TAOK3: variants seen among roughly 807,000 people sequenced by gnomAD.
TAOK3 encodes TAO kinase 3.
TAOK3 carries 40 observed loss-of-function variants against 120.4 expected under a neutral mutation model. The ratio of observed to expected loss-of-function variants is 0.33; its 90% confidence interval spans 0.26 to 0.43. The LOEUF (loss-of-function observed/expected upper bound fraction) is 0.43. Among genes scored for constraint, TAOK3 ranks in the 20% least tolerant of loss-of-function variants. The pLI is 1.00. For synonymous variants in TAOK3, 355 were observed against 387.5 expected (o/e 0.92, Z 0.99); for missense variants, 821 against 1,112.1 (o/e 0.74, Z 3.72).
At chr12:118,257,173 T>C (rs1344271633) in intron 2 of TAOK3, among the ~76,000 whole-genome samples, 1 of 152,162 alleles carries the variant, frequency 6.6e-6, no homozygotes, top group Non-Finnish European at 1.5e-5. Context: ...AAAACTCAGA[T>C]CTAACAGCAA....
intron 14 of TAOK3, 121 bp downstream of exon 14, chr12:118,189,686 A>C: frequency 8.1e-7 from 1 of 1,232,768 alleles, no homozygotes; most frequent in Non-Finnish European, 1.1e-6. Context: ...TAGGAGAGAG[A>C]AAACATTCTT....
At chr12:118,277,448 C>T (rs1001776044) in intron 1 of TAOK3, among the ~76,000 whole-genome samples, 2 of 151,992 alleles carry the variant, frequency 1.3e-5, no homozygotes, top group African/African-American at 4.8e-5. Context: ...TGTGGTCATC[C>T]AGATGATCCA....
At chr12:118,152,515 T>C in intron 19 of TAOK3, 106 bp from the exon 20 acceptor site, 3 of 1,213,242 alleles carry the variant, frequency 2.5e-6, no homozygotes, top group Non-Finnish European at 2.3e-6. Flanking sequence ...TGGATTGAAA[T>C]TGGTTGCCCC....
chr12:118,230,572 C>T (rs1325129389), intron 9 of TAOK3, among the ~76,000 whole-genome samples: 6 of 148,504 alleles, frequency 4.0e-5, no homozygotes, highest in East Asian at 4.1e-4. Context: ...AGGTTCACAC[C>T]GTTCTCCTGC....
At chr12:118,229,588 T>C (rs1380738101) in intron 9 of TAOK3, among the ~76,000 whole-genome samples, 1 of 152,128 alleles carries the variant, frequency 6.6e-6, no homozygotes, top group Non-Finnish European at 1.5e-5. Context: ...TTAAAAAACA[T>C]TGATTAGAAA....
At chr12:118,207,791 C>T (rs888479143) in intron 11 of TAOK3, among the ~76,000 whole-genome samples, 6 of 150,886 alleles carry the variant, frequency 4.0e-5, no homozygotes, top group Middle Eastern at 3.4e-3. Flanking sequence ...TCTCAGGAGG[C>T]GAAGGTTGCA....
At chr12:118,187,043 C>T (rs1342007824) in intron 14 of TAOK3, among the ~76,000 whole-genome samples, 2 of 152,148 alleles carry the variant, frequency 1.3e-5, no homozygotes, top group East Asian at 3.8e-4. Flanking sequence ...GGCTCATAAA[C>T]AAATTTTAGG....
chr12:118,192,206 G>A (rs2037468547), intron 13 of TAOK3, among the ~76,000 whole-genome samples: 1 of 152,124 alleles, frequency 6.6e-6, no homozygotes, highest in African/African-American at 2.4e-5. Flanking sequence ...TACTAAACTT[G>A]AGGAAGTTGA....
chr12:118,311,631 TA>T (rs549735414), intron 1 of TAOK3, among the ~76,000 whole-genome samples: 14,458 of 125,542 alleles, frequency 0.12, 848 homozygotes, highest in Middle Eastern at 0.16. Context: ...TTTTTTTTTT[TA>T]AAAACAGCAT....
chr12:118,271,338 G>A (rs528148198), intron 1 of TAOK3, among the ~76,000 whole-genome samples: 61 of 151,682 alleles, frequency 4.0e-4, no homozygotes, highest in Non-Finnish European at 2.5e-4. Context: ...CCCCAGCCTC[G>A]CCCCACCCCA....
intron 19 of TAOK3, among the ~76,000 whole-genome samples, chr12:118,158,202 T>C (rs2034972238): frequency 6.6e-6 from 1 of 152,228 alleles, no homozygotes; most frequent in South Asian, 2.1e-4. Context: ...TTCACTTTTG[T>C]TCTACTTCTA....
intron 14 of TAOK3, among the ~76,000 whole-genome samples, chr12:118,186,207 C>T (rs1450963885): frequency 6.6e-6 from 1 of 152,138 alleles, no homozygotes; most frequent in East Asian, 1.9e-4. Context: ...CTACATGCCT[C>T]CTTGGGAATT....
At chr12:118,251,526 T>C (rs2040750233) in intron 3 of TAOK3, among the ~76,000 whole-genome samples, 1 of 152,234 alleles carries the variant, frequency 6.6e-6, no homozygotes, top group Admixed American at 6.5e-5. Context: ...GTATCATTTC[T>C]CTAGTCTATC....
intron 16 of TAOK3, among the ~76,000 whole-genome samples, chr12:118,174,533 A>G (rs1248165216): frequency 6.6e-6 from 1 of 152,182 alleles, no homozygotes; most frequent in Non-Finnish European, 1.5e-5. Flanking sequence ...TCTAGAAGGT[A>G]GAGTTCATGA....
At chr12:118,203,573 G>A (rs924022756) in intron 11 of TAOK3, among the ~76,000 whole-genome samples, 3 of 151,858 alleles carry the variant, frequency 2.0e-5, no homozygotes, top group Admixed American at 2.0e-4. Flanking sequence ...GCATGGTGAC[G>A]TGCATCTGTA....
intron 13 of TAOK3, among the ~76,000 whole-genome samples, chr12:118,195,980 G>T (rs1178830570): frequency 6.6e-6 from 1 of 152,064 alleles, no homozygotes; most frequent in Non-Finnish European, 1.5e-5. Context: ...AACGCAGGAG[G>T]CGGAGCTTGC....
At chr12:118,360,633 T>G (rs972764740) in intron 1 of TAOK3, among the ~76,000 whole-genome samples, 3 of 151,854 alleles carry the variant, frequency 2.0e-5, no homozygotes, top group Non-Finnish European at 2.9e-5. Flanking sequence ...GGCTTCTATG[T>G]GCAGGGCACT....
At chr12:118,319,794 C>T (rs2043626245) in intron 1 of TAOK3, among the ~76,000 whole-genome samples, 1 of 152,034 alleles carries the variant, frequency 6.6e-6, no homozygotes, top group Non-Finnish European at 1.5e-5. Context: ...TTGAACAGCT[C>T]CTCAAAAAGT....
intron 7 of TAOK3, chr12:118,236,841 T>G (rs1253062313): frequency 6.6e-6 from 1 of 152,152 alleles, no homozygotes; most frequent in Non-Finnish European, 1.5e-5. Flanking sequence ...AAAAACATTA[T>G]TTATAAGTAT....
Sources: gnomAD v4.1 joint callset for allele counts (sites outside exome capture counted in the v4.1 genomes callset) on GRCh38, gnomAD v4.1.1 for gene constraint, MANE v1.5 for transcripts, NCBI Gene and HGNC (gene_info 2026-07-23, HGNC 2026-07-21) for gene names.